Variants in IL20RA observed in about 807,000 individuals in gnomAD.
The protein encoded by IL20RA is interleukin-20 receptor subunit alpha.
A neutral mutation model predicts 36.5 loss-of-function variants in IL20RA; 29 were observed. The observed-to-expected ratio is 0.79, with a 90% CI of 0.59 to 1.08. The LOEUF (loss-of-function observed/expected upper bound fraction) is 1.08, where lower values mean the gene tolerates loss of function less well. Ranked by LOEUF, IL20RA falls within the 50% of genes least tolerant of loss-of-function variation. IL20RA has a pLI of 0.00. For synonymous variants in IL20RA, 279 were observed against 267.1 expected (o/e 1.04, Z -0.43); for missense variants, 652 against 668.4 (o/e 0.98, Z 0.27).
chr6:137,025,125 T>G (rs892874989), intron 1 of IL20RA, among the ~76,000 whole-genome samples: 1 of 152,228 alleles, frequency 6.6e-6, no homozygotes, highest in African/African-American at 2.4e-5. Context: ...ATTTCCCTTT[T>G]ATTATATTAT....
intron 1 of IL20RA, among the ~76,000 whole-genome samples, chr6:137,034,238 TTTTG>T (rs1321522249): frequency 2.0e-5 from 3 of 152,226 alleles, no homozygotes; most frequent in Admixed American, 1.3e-4. Context: ...ATTATTGGAT[TTTTG>T]TTTGTTTGTT....
chr6:137,022,843 G>A (rs1292907572), intron 1 of IL20RA, among the ~76,000 whole-genome samples: 1 of 152,134 alleles, frequency 6.6e-6, no homozygotes, highest in African/African-American at 2.4e-5. Flanking sequence ...CTGGAGTGAT[G>A]CACCTACAAG....
intron 3 of IL20RA, 104 bp downstream of exon 3, chr6:137,011,170 A>T: frequency 1.1e-6 from 1 of 923,456 alleles, no homozygotes. Flanking sequence ...GAATACAGCC[A>T]AGCAGAGTAC....
At chr6:137,022,456 C>T (rs947350735) in intron 1 of IL20RA, among the ~76,000 whole-genome samples, 1 of 152,092 alleles carries the variant, frequency 6.6e-6, no homozygotes, top group Admixed American at 6.5e-5. Context: ...TATATTTCAC[C>T]TTGGCCTTGG....
At chr6:137,003,870 G>A (rs1017595667) in intron 6 of IL20RA, among the ~76,000 whole-genome samples, 1 of 152,012 alleles carries the variant, frequency 6.6e-6, no homozygotes, top group Non-Finnish European at 1.5e-5. Flanking sequence ...CTGCACTACG[G>A]ATCCTAACTC....
At chr6:137,019,715 T>C (rs959433769) in intron 1 of IL20RA, among the ~76,000 whole-genome samples, 1 of 152,178 alleles carries the variant, frequency 6.6e-6, no homozygotes, top group African/African-American at 2.4e-5. Flanking sequence ...GCTATGCCAA[T>C]TGTTGAAATG....
intron 1 of IL20RA, among the ~76,000 whole-genome samples, chr6:137,023,734 A>G (rs1179933180): frequency 1.3e-5 from 2 of 152,206 alleles, no homozygotes; most frequent in Non-Finnish European, 2.9e-5. Flanking sequence ...AGTAAAATTA[A>G]CAGATGAAGA....
chr6:137,002,276 T>C lies in IL20RA; in HGVS notation c.944A>G (p.Asn315Ser), dbSNP rs573279966. The C allele has an allele frequency of 3.3e-5, 53 of 1,612,842 alleles. No homozygotes were observed. Among genetic ancestry groups the C allele is most frequent in the Non-Finnish European group, 4.0e-5 (47 of 1,179,610 alleles). The stretch of plus-strand genomic sequence containing the variant: ...AGAAATTTTAGAATCATCCGAGATA[T>C]TGAGGGTGATAAAGTTAATCACGAT... ...EKIVINFITL[N>S]ISDDSKISHQ... Residue 315 changes from asparagine to serine, a missense_variant, in exon 7 of 7, where the codon AAT becomes AGT. Coordinates refer to ENST00000316649, the MANE Select transcript of IL20RA (RefSeq NM_014432.4).
rs76572733 is a variant in IL20RA at position 137,020,152 on chromosome 6, T to G, written c.89-3049A>C. 5.3e-3 allele frequency among the ~76,000 whole-genome samples: 807 copies of G among 152,364 alleles called. 6 individuals carry two copies. Among genetic ancestry groups the G allele is most frequent in the African/African-American group, 0.018 (752 of 41,586 alleles). On this transcript the variant is annotated intron_variant, in intron 1 of 6. Transcript: ENST00000316649. The stretch of plus-strand genomic sequence containing the variant: ...TTGTGAGTGGCCCTGTGGAGGCCCA[T>G]GTGGCAAAGTAACTGAGGCTTCCCA...
intron 1 of IL20RA, among the ~76,000 whole-genome samples, chr6:137,033,870 T>C (rs2115419459): frequency 6.6e-6 from 1 of 152,284 alleles, no homozygotes; most frequent in East Asian, 1.9e-4. Context: ...TAGGTGGAAA[T>C]TACTTTTGGG....
chr6:137,042,735 C>A (rs370303532), intron 1 of IL20RA: 1 of 151,858 alleles, frequency 6.6e-6, no homozygotes. Context: ...AGCTGTGAGA[C>A]GAAAATTTTT....
At position 137,035,598 on chromosome 6, in the gene IL20RA, T is replaced by A. The variant is rs140837459; in HGVS notation, c.88+9043A>T. On this transcript the variant is annotated intron_variant, in intron 1 of 6. Transcript: ENST00000316649. The stretch of plus-strand genomic sequence containing the variant: ...GTATAAAAGGATGACACTGAATGAA[T>A]GAGTGAGCAAAAATCACTCGAAGGA... 5.3e-3 allele frequency among the ~76,000 whole-genome samples: 814 copies of A among 152,330 alleles called. 4 individuals are homozygous for A. Among genetic ancestry groups the A allele is most frequent in the Non-Finnish European group, 9.3e-3 (630 of 68,020 alleles).
intron 2 of IL20RA, among the ~76,000 whole-genome samples, chr6:137,011,972 T>C (rs1312718804): frequency 2.0e-5 from 3 of 152,226 alleles, no homozygotes; most frequent in Non-Finnish European, 4.4e-5. Context: ...TTGATAATTA[T>C]AGTGATGATG....
intron 1 of IL20RA, among the ~76,000 whole-genome samples, chr6:137,034,264 T>C (rs997453976): frequency 2.6e-5 from 4 of 152,196 alleles, no homozygotes; most frequent in Non-Finnish European, 4.4e-5. Context: ...ATTTTTAGTG[T>C]TTTAAGAAAG....
Position 137,018,513 on chromosome 6 carries a change from CGTGT to C in IL20RA, c.89-1414_89-1411del, listed in dbSNP as rs3842115. Among the ~76,000 whole-genome samples, 775 of 142,900 alleles carry C rather than the reference CGTGT, an allele frequency of 5.4e-3. 7 individuals are homozygous for C. Among genetic ancestry groups the C allele is most frequent in the African/African-American group, 0.016 (620 of 39,022 alleles). The allele number at this position is 142,900 out of a possible 152,430, so 93.7% of individuals were successfully genotyped here. ...ACAATCAATTGACCACTGCCGTGTGCGTGTGTGTGTGTGTGTGTGTGTGTGTGTG... is the reference window on the plus strand; with the variant it reads ...ACAATCAATTGACCACTGCCGTGTGCGTGTGTGTGTGTGTGTGTGTGTGTG... On this transcript the variant is annotated intron_variant, in intron 1 of 6. Coordinates refer to ENST00000316649, the MANE Select transcript of IL20RA (RefSeq NM_014432.4).
In IL20RA at chr6:137,044,718, G is replaced by C; in HGVS notation, c.11C>G (p.Pro4Arg). 8.2e-7 allele frequency: 1 copy of C among 1,219,584 alleles called. No homozygotes were observed. Among genetic ancestry groups the C allele is most frequent in the Non-Finnish European group, 1.0e-6 (1 of 980,500 alleles). The allele number at this position is 1,219,584 out of a possible 1,614,324, so 75.5% of individuals were successfully genotyped here. ...CAGCGGCCGCAGGGCCGGGCGGCCG[G>C]GAGCCCGCATGGGCGGCGGGGCTGG... is the stretch of plus-strand genomic sequence containing the variant. MRAPGRPALRPLPL... is the reference protein window; with the variant it reads MRARGRPALRPLPL... The change falls in exon 1 of 7, where the codon CCC becomes CGC. Residue 4 changes from proline to arginine, a missense_variant. Coordinates refer to ENST00000316649, the MANE Select transcript of IL20RA (RefSeq NM_014432.4).
intron 1 of IL20RA, among the ~76,000 whole-genome samples, chr6:137,034,932 G>A (rs1486493514): frequency 7.6e-5 from 11 of 145,380 alleles, no homozygotes; most frequent in South Asian, 2.2e-4. Context: ...GTGAAAGAGC[G>A]AGACTCCATC....
At chr6:137,018,220 C>T (rs1775771463) in intron 1 of IL20RA, among the ~76,000 whole-genome samples, 1 of 152,124 alleles carries the variant, frequency 6.6e-6, no homozygotes, top group Non-Finnish European at 1.5e-5. Flanking sequence ...GGACTAATGT[C>T]AGAGAAAGGA....
intron 2 of IL20RA, among the ~76,000 whole-genome samples, chr6:137,014,558 C>G (rs1170026653): frequency 6.6e-6 from 1 of 152,082 alleles, no homozygotes; most frequent in Non-Finnish European, 1.5e-5. Context: ...CACCACAAGA[C>G]ATATTTGTTC....
Sources: allele counts gnomAD v4.1 joint callset (sites outside exome capture counted in the v4.1 genomes callset), GRCh38; gene constraint gnomAD v4.1.1; transcripts MANE v1.5; gene names NCBI Gene and HGNC (gene_info 2026-07-23, HGNC 2026-07-21).